The following FAM81A variants were observed in gnomAD, a reference collection of about 807,000 sequenced individuals.
The protein encoded by FAM81A is protein FAM81A.
FAM81A carries 19 observed loss-of-function variants against 46.7 expected under a neutral mutation model. The observed-to-expected ratio is 0.41, with a 90% CI of 0.28 to 0.60. The LOEUF (loss-of-function observed/expected upper bound fraction) is 0.60. Among genes scored for constraint, FAM81A ranks in the 20% least tolerant of loss-of-function variants. The pLI is 0.34. For synonymous variants in FAM81A, 183 were observed against 152.9 expected, an observed-to-expected ratio of 1.20 and a Z score of -1.45; for missense variants, 377 against 453.5, an observed-to-expected ratio of 0.83 and a Z score of 1.53.
rs114527927 is a variant in FAM81A at position 59,478,330 on chromosome 15, T to C, written c.295-13941T>C. Among the ~76,000 whole-genome samples, 545 of 152,340 alleles carry C rather than the reference T, an allele frequency of 3.6e-3. 1 individual carries two copies. The highest frequency in any genetic ancestry group is 8.4e-3 in the African/African-American group (348 of 41,580). On this transcript the variant is annotated intron_variant, in intron 3 of 8. Coordinates refer to ENST00000288228, the MANE Select transcript of FAM81A (RefSeq NM_152450.3). ...GAAACTGTATCAAGCCCTCATCTAATTGAATATATCATACGTAGTTTGCTA... is the reference window on the plus strand; with the variant it reads ...GAAACTGTATCAAGCCCTCATCTAACTGAATATATCATACGTAGTTTGCTA...
At chr15:59,435,017 G>A (rs751072839), upstream of FAM81A, among the ~76,000 whole-genome samples, 1 of 152,208 alleles carries the variant, frequency 6.6e-6, no homozygotes, top group Non-Finnish European at 1.5e-5. Context: ...AGCCGGGCTT[G>A]GTGGCTTATG....
At chr15:59,403,685 G>A (rs2081081690) in intron 2 of FAM81A, among the ~76,000 whole-genome samples, 1 of 151,588 alleles carries the variant, frequency 6.6e-6, no homozygotes, top group African/African-American at 2.4e-5. Context: ...TTAGGCAGTG[G>A]AGATCTGGTT....
intron 2 of FAM81A, among the ~76,000 whole-genome samples, chr15:59,459,608 G>T (rs1314841552): frequency 1.3e-5 from 2 of 152,010 alleles, no homozygotes; most frequent in African/African-American, 4.8e-5. Context: ...GAGGAGGAGA[G>T]CATGTTAGGA....
At chr15:59,409,705 A>ATAATAATAGC (rs2081112331) in intron 2 of FAM81A, among the ~76,000 whole-genome samples, 1 of 152,224 alleles carries the variant, frequency 6.6e-6, no homozygotes, top group South Asian at 2.1e-4. Flanking sequence ...CTCATCAATA[A>ATAATAATAGC]TAATAATAGC....
At chr15:59,520,732 T>G (rs1390575316) in intron 8 of FAM81A, among the ~76,000 whole-genome samples, 1 of 152,036 alleles carries the variant, frequency 6.6e-6, no homozygotes, top group Non-Finnish European at 1.5e-5. Context: ...ACCCAGCTAA[T>G]TTTTGTATTT....
chr15:59,492,958 A>G (rs1227503320), intron 4 of FAM81A, among the ~76,000 whole-genome samples: 1 of 152,150 alleles, frequency 6.6e-6, no homozygotes, highest in Non-Finnish European at 1.5e-5. Flanking sequence ...CCCTGAATTC[A>G]TATGCATGGG....
At chr15:59,494,831 T>G (rs4597258) in intron 4 of FAM81A, among the ~76,000 whole-genome samples, 19,632 of 152,218 alleles carry the variant, frequency 0.13, 2,111 homozygotes, top group African/African-American at 0.3. Context: ...AGTTTTTATG[T>G]GTCCATTGGT....
At chr15:59,473,033 G>A (rs1299834977) in intron 3 of FAM81A, among the ~76,000 whole-genome samples, 1 of 152,028 alleles carries the variant, frequency 6.6e-6, no homozygotes, top group Non-Finnish European at 1.5e-5. Context: ...TTTTGAAAGG[G>A]ATTTCAGATT....
chr15:59,407,290 CCTTTTTTTTTTTTT>C (rs1470312203), intron 2 of FAM81A: 1 of 105,348 alleles, frequency 9.5e-6, no homozygotes, highest in Non-Finnish European at 2.2e-5. Context: ...TCTTTTCTTT[CCTTTTTTTTTTTTT>C]TTTTTTTTGA....
At chr15:59,504,525 A>G (rs1252619269) in intron 4 of FAM81A, among the ~76,000 whole-genome samples, 1 of 152,210 alleles carries the variant, frequency 6.6e-6, no homozygotes, top group Non-Finnish European at 1.5e-5. Context: ...TTGAGCTGGT[A>G]GCTTACTTTC....
chr15:59,428,399 G>A (rs1164504316), intron 2 of FAM81A, among the ~76,000 whole-genome samples: 1 of 149,396 alleles, frequency 6.7e-6, no homozygotes, highest in Non-Finnish European at 1.5e-5. Flanking sequence ...TCTTAGTCCT[G>A]AGAATTCTTT....
intron 2 of FAM81A, among the ~76,000 whole-genome samples, chr15:59,414,313 C>T (rs965191491): frequency 6.6e-6 from 1 of 152,158 alleles, no homozygotes; most frequent in Non-Finnish European, 1.5e-5. Flanking sequence ...GACTTCCCCT[C>T]ACTCTCCGTG....
In FAM81A at chr15:59,449,496, T is replaced by C. The variant is rs534419250; in HGVS notation, c.-77-9054T>C. The stretch of plus-strand genomic sequence containing the variant: ...GTTTTAAACCTTTAAAAAATGACAT[T>C]GTAGGCCGGGCACGGTGGCTCACGC... On this transcript the variant is annotated intron_variant, in intron 1 of 8. Coordinates refer to ENST00000288228, the MANE Select transcript of FAM81A (RefSeq NM_152450.3). 2.3e-4 allele frequency among the ~76,000 whole-genome samples: 35 copies of C among 152,290 alleles called. 1 individual carries two copies. In the South Asian group the frequency reaches 4.3e-3, roughly 19 times the overall value.
At chr15:59,452,977 G>T (rs966961242) in intron 1 of FAM81A, among the ~76,000 whole-genome samples, 1 of 152,140 alleles carries the variant, frequency 6.6e-6, no homozygotes, top group Non-Finnish European at 1.5e-5. Context: ...TGCCCAGGCT[G>T]GTCTTGAACT....
In FAM81A at chr15:59,501,230, G is replaced by A. The variant is rs183427259; in HGVS notation, c.414-5983G>A. Among the ~76,000 whole-genome samples, 157 of 152,214 alleles carry A rather than the reference G, an allele frequency of 1.0e-3. 1 individual carries two copies. Among genetic ancestry groups the A allele is most frequent in the Non-Finnish European group, 1.7e-3 (115 of 68,014 alleles). Reference sequence around the variant, plus strand: ...TGATGTCACTCCTCAGTACAGTTTGGGAAATGGGCACAATTATTTGCAATG... The same window carrying A: ...TGATGTCACTCCTCAGTACAGTTTGAGAAATGGGCACAATTATTTGCAATG... On this transcript the variant is annotated intron_variant, in intron 4 of 8. Transcript: ENST00000288228.
chr15:59,510,905 T>C (rs1311098694), intron 6 of FAM81A, among the ~76,000 whole-genome samples: 4 of 151,342 alleles, frequency 2.6e-5, no homozygotes, highest in South Asian at 2.1e-4. Context: ...CCCAGCACTT[T>C]GGAAGGTTGA....
At chr15:59,455,060 G>C (rs1217989320) in intron 1 of FAM81A, among the ~76,000 whole-genome samples, 3 of 146,334 alleles carry the variant, frequency 2.1e-5, no homozygotes, top group Non-Finnish European at 4.5e-5. Context: ...ACCACACCTG[G>C]CTAACTTTTT....
At chr15:59,520,062 C>T (rs1222769322) in intron 8 of FAM81A, among the ~76,000 whole-genome samples, 1 of 150,770 alleles carries the variant, frequency 6.6e-6, no homozygotes, top group East Asian at 2.0e-4. Context: ...AACCCAAATT[C>T]GTAAACTTTC....
upstream of FAM81A, among the ~76,000 whole-genome samples, chr15:59,437,467 C>T (rs952851782): frequency 6.6e-6 from 1 of 151,634 alleles, no homozygotes; most frequent in East Asian, 1.9e-4. Context: ...GTGGAAAGAG[C>T]CAGGACGCGC....
Sources: allele counts gnomAD v4.1 joint callset (sites outside exome capture counted in the v4.1 genomes callset), GRCh38; gene constraint gnomAD v4.1.1; transcripts MANE v1.5; gene names NCBI Gene and HGNC (gene_info 2026-07-23, HGNC 2026-07-21).